Variants in LRRTM4 observed in about 807,000 individuals in gnomAD.
LRRTM4 encodes leucine rich repeat transmembrane neuronal 4, also known as leucine-rich repeat transmembrane neuronal protein 4.
Under a neutral mutation model 47.6 loss-of-function variants are expected in LRRTM4, and 25 were observed. That is an observed-to-expected ratio of 0.53 (90% CI 0.38 to 0.73). The LOEUF (loss-of-function observed/expected upper bound fraction) is 0.73. Ranked by LOEUF, LRRTM4 falls within the 30% of genes least tolerant of loss-of-function variation. LRRTM4 has a pLI of 0.00. For synonymous variants in LRRTM4, 311 were observed against 269.5 expected (o/e 1.15, Z -1.51); for missense variants, 638 against 713.4 (o/e 0.89, Z 1.20).
chr2:76,918,149 C>CA (rs1330385503), intron 3 of LRRTM4, among the ~76,000 whole-genome samples: 1 of 152,002 alleles, frequency 6.6e-6, no homozygotes, highest in Non-Finnish European at 1.5e-5. Context: ...AATAAAGTAC[C>CA]AAAAATTGTC....
chr2:77,340,100 G>T (rs1240724711), intron 3 of LRRTM4, among the ~76,000 whole-genome samples: 1 of 151,888 alleles, frequency 6.6e-6, no homozygotes, highest in South Asian at 2.1e-4. Context: ...TTTCAATGCA[G>T]TTTTCAAAAG....
intron 3 of LRRTM4, among the ~76,000 whole-genome samples, chr2:77,012,424 T>C (rs975944772): frequency 2.6e-5 from 4 of 152,124 alleles, no homozygotes; most frequent in Non-Finnish European, 5.9e-5. Flanking sequence ...TGTAAACTCC[T>C]CCCTTCCACT....
At chr2:77,250,854 A>T (rs1021107151) in intron 3 of LRRTM4, among the ~76,000 whole-genome samples, 6 of 152,018 alleles carry the variant, frequency 3.9e-5, no homozygotes, top group East Asian at 1.9e-4. Flanking sequence ...CTGTAATCCC[A>T]CCACTTTGGG....
chr2:76,975,053 G>A (rs910036687), intron 3 of LRRTM4, among the ~76,000 whole-genome samples: 4 of 151,480 alleles, frequency 2.6e-5, no homozygotes, highest in African/African-American at 9.7e-5. Context: ...GCTGATCAGT[G>A]GTTAACAAAA....
At chr2:77,117,346 A>T (rs1005543020) in intron 3 of LRRTM4, among the ~76,000 whole-genome samples, 2 of 152,042 alleles carry the variant, frequency 1.3e-5, no homozygotes, top group Non-Finnish European at 2.9e-5. Context: ...TGTAAAACTT[A>T]GAACAGGTAT....
chr2:76,961,780 A>G (rs759835446), intron 3 of LRRTM4, among the ~76,000 whole-genome samples: 1 of 151,334 alleles, frequency 6.6e-6, no homozygotes, highest in Non-Finnish European at 1.5e-5. Flanking sequence ...TAGGTGATAC[A>G]TACTATACAT....
intron 3 of LRRTM4, among the ~76,000 whole-genome samples, chr2:76,976,949 T>A (rs1313809679): frequency 6.6e-6 from 1 of 151,750 alleles, no homozygotes; most frequent in Non-Finnish European, 1.5e-5. Context: ...TCACTCTACA[T>A]CCCATAGATA....
At chr2:77,028,530 G>C (rs1678532339) in intron 3 of LRRTM4, among the ~76,000 whole-genome samples, 1 of 152,020 alleles carries the variant, frequency 6.6e-6, no homozygotes, top group African/African-American at 2.4e-5. Flanking sequence ...GATTGGAAGA[G>C]GATAGAAGGA....
intron 3 of LRRTM4, among the ~76,000 whole-genome samples, chr2:77,234,988 C>G (rs1004867234): frequency 6.6e-6 from 1 of 152,108 alleles, no homozygotes; most frequent in Non-Finnish European, 1.5e-5. Context: ...CAGTATTTAG[C>G]TTTCCATTAT....
intron 3 of LRRTM4, among the ~76,000 whole-genome samples, chr2:77,236,062 G>T (rs1040983770): frequency 2.0e-5 from 3 of 151,962 alleles, no homozygotes; most frequent in Non-Finnish European, 2.9e-5. Context: ...GAAAAATGAT[G>T]TTGGTAATTT....
intron 3 of LRRTM4, among the ~76,000 whole-genome samples, chr2:77,485,287 C>T (rs1349867077): frequency 6.6e-6 from 1 of 151,896 alleles, no homozygotes; most frequent in Non-Finnish European, 1.5e-5. Flanking sequence ...CCAAGTAAAC[C>T]TTGGGAAAAC....
chr2:76,818,275 G>T (rs1670957844), intron 3 of LRRTM4, among the ~76,000 whole-genome samples: 1 of 151,734 alleles, frequency 6.6e-6, no homozygotes, highest in South Asian at 2.1e-4. Flanking sequence ...TTGATTTGCT[G>T]TGTTCCCTTA....
At chr2:77,343,517 T>C (rs1158879748) in intron 3 of LRRTM4, among the ~76,000 whole-genome samples, 1 of 151,916 alleles carries the variant, frequency 6.6e-6, no homozygotes, top group Non-Finnish European at 1.5e-5. Context: ...TTTTTAATTT[T>C]AGTCATATCT....
At chr2:77,139,261 A>G (rs1219456408) in intron 3 of LRRTM4, among the ~76,000 whole-genome samples, 2 of 152,210 alleles carry the variant, frequency 1.3e-5, no homozygotes, top group African/African-American at 2.4e-5. Context: ...CAGCGCATCA[A>G]AAAGCTTATC....
At chr2:77,270,858 T>A (rs73943810) in intron 3 of LRRTM4, among the ~76,000 whole-genome samples, 5 of 152,228 alleles carry the variant, frequency 3.3e-5, no homozygotes, top group African/African-American at 1.2e-4. Context: ...AACTACCTTT[T>A]TCTAATTGGT....
intron 3 of LRRTM4, among the ~76,000 whole-genome samples, chr2:76,761,982 TAGG>T (rs1673271363): frequency 6.6e-6 from 1 of 152,194 alleles, no homozygotes; most frequent in Non-Finnish European, 1.5e-5. Flanking sequence ...TAGTAAATCA[TAGG>T]AGGAGATGAT....
At chr2:76,834,057 T>C (rs910723305) in intron 3 of LRRTM4, among the ~76,000 whole-genome samples, 1 of 149,602 alleles carries the variant, frequency 6.7e-6, no homozygotes, top group Non-Finnish European at 1.5e-5. Flanking sequence ...TTTATTTATT[T>C]TGAGATGGAG....
intron 3 of LRRTM4, among the ~76,000 whole-genome samples, chr2:77,136,549 A>T (rs1176548423): frequency 6.6e-6 from 1 of 152,216 alleles, no homozygotes; most frequent in African/African-American, 2.4e-5. Flanking sequence ...AAAAGCTGAA[A>T]ATTCTAAAAA....
At chr2:76,885,829 T>C (rs1673059130) in intron 3 of LRRTM4, among the ~76,000 whole-genome samples, 1 of 152,024 alleles carries the variant, frequency 6.6e-6, no homozygotes, top group Non-Finnish European at 1.5e-5. Flanking sequence ...TTATGAAAAA[T>C]GCATATAAGC....
Sources: gnomAD v4.1 joint callset for allele counts (sites outside exome capture counted in the v4.1 genomes callset) on GRCh38, gnomAD v4.1.1 for gene constraint, MANE v1.5 for transcripts, NCBI Gene and HGNC (gene_info 2026-07-23, HGNC 2026-07-21) for gene names.